CUL4B: variants seen among roughly 807,000 people sequenced by gnomAD.
CUL4B encodes the protein cullin-4B.
Under a neutral mutation model 69.2 loss-of-function variants are expected in CUL4B, and 1 was observed. The observed-to-expected ratio is 0.01, with a 90% CI of 0.01 to 0.07. The LOEUF (loss-of-function observed/expected upper bound fraction) is 0.07. CUL4B is among the 10% of genes least tolerant of loss of function. The pLI is 1.00. For synonymous variants in CUL4B, 237 were observed against 223.2 expected, an observed-to-expected ratio of 1.06 and a Z score of -0.55; for missense variants, 328 against 638.8, an observed-to-expected ratio of 0.51 and a Z score of 5.24.
chrX:120,565,044 T>C (rs933513303), upstream of CUL4B, among the ~76,000 whole-genome samples: 1 of 112,543 alleles, frequency 8.9e-6, no homozygotes, highest in Non-Finnish European at 1.9e-5. Flanking sequence ...AGCTAGCTTT[T>C]ACAATGTCAA....
In CUL4B at chrX:120,535,704, CAAAAAAAAAAAAAA is replaced by C. The variant is rs71820203; in HGVS notation, c.2160+112_2160+125del. On this transcript the variant is annotated intron_variant, in intron 16 of 19. Transcript: ENST00000371322. ...CTGGTGACAGAGTGAGACTCTGTCT[CAAAAAAAAAAAAAA>C]AAAAAAAAAAGAAGAAAACAAAAAA... The C allele has an allele frequency of 1.9e-4, 36 of 189,771 alleles. No homozygotes were observed. The East Asian group carries it at 2.3e-3, about 12-fold the overall frequency. 15.6% of individuals were successfully genotyped at this position (189,771 alleles called of 1,213,427 possible). A position where few individuals can be genotyped will look rare whatever the true frequency, so the allele number is the denominator to read the frequency against.
intron 2 of CUL4B, among the ~76,000 whole-genome samples, chrX:120,549,501 C>G (rs1924555293): frequency 9.0e-6 from 1 of 111,609 alleles, no homozygotes. Context: ...CGAGAATGTG[C>G]CATTGCATTC....
upstream of CUL4B, chrX:120,561,230 A>T: frequency 4.0e-6 from 2 of 501,037 alleles, no homozygotes; most frequent in Non-Finnish European, 7.0e-6. Flanking sequence ...AAAGTGCCCC[A>T]GACGCTCGCG....
At chrX:120,532,695 T>C in intron 17 of CUL4B, 101 bp from the exon 18 acceptor site, 1 of 786,009 alleles carries the variant, frequency 1.3e-6, no homozygotes, top group Admixed American at 2.3e-5. Flanking sequence ...TAAAACTATT[T>C]CATTTTTTCC....
chrX:120,533,858 G>A (rs1923479742), intron 17 of CUL4B, among the ~76,000 whole-genome samples: 1 of 111,081 alleles, frequency 9.0e-6, no homozygotes, highest in African/African-American at 3.3e-5. Flanking sequence ...ACGAGGTCAG[G>A]AGTTCGAGAC....
chrX:120,561,452 AG>A (rs1444353450), upstream of CUL4B: 15 of 378,676 alleles, frequency 4.0e-5, no homozygotes, highest in East Asian at 3.0e-4. Flanking sequence ...GGGGGGGGGA[AG>A]GGGGGAGGGA....
At chrX:120,562,925 G>A (rs913807205), upstream of CUL4B, among the ~76,000 whole-genome samples, 6 of 112,118 alleles carry the variant, frequency 5.4e-5, no homozygotes, top group Admixed American at 5.6e-4. Flanking sequence ...AACCAGGGGT[G>A]ACAGGATTGT....
Position 120,541,491 on chromosome X carries a change from C to T in CUL4B, c.1443+111G>A, listed in dbSNP as rs751036464. ...TCCAGCCTGGGTGACGAGAGCAAAA[C>T]TCTGTCTCAAAAAAAAAAAAATTGG... is the stretch of plus-strand genomic sequence containing the variant. On this transcript the variant is annotated intron_variant, in intron 10 of 19. Transcript: ENST00000371322. 2.2e-3 allele frequency: 1,271 copies of T among 577,633 alleles called. 4 individuals carry two copies. Among genetic ancestry groups the T allele is most frequent in the Non-Finnish European group, 3.1e-3 (1,009 of 329,570 alleles). The allele number at this position is 577,633 out of a possible 1,213,427, so 47.6% of individuals were successfully genotyped here.
chrX:120,548,533 T>C (rs1419760803), intron 2 of CUL4B, among the ~76,000 whole-genome samples: 1 of 111,714 alleles, frequency 9.0e-6, no homozygotes, highest in Non-Finnish European at 1.9e-5. Context: ...AATAGTTAAA[T>C]ATAGATTTTA....
At chrX:120,548,825 C>T (rs1350852298) in intron 2 of CUL4B, among the ~76,000 whole-genome samples, 3 of 111,333 alleles carry the variant, frequency 2.7e-5, no homozygotes, top group African/African-American at 9.8e-5. Flanking sequence ...CAGAGAGAGA[C>T]TCCATCTCAA....
At position 120,526,372 on chromosome X, in the gene CUL4B, A is replaced by C; in HGVS notation, c.*389T>G. 1 of 164,900 alleles carries C rather than the reference A, an allele frequency of 6.1e-6. No individual in the cohort carries two copies. Among genetic ancestry groups the C allele is most frequent in the Non-Finnish European group, 1.2e-5 (1 of 86,070 alleles). 13.6% of individuals were successfully genotyped at this position (164,900 alleles called of 1,213,427 possible). A position where few individuals can be genotyped will look rare whatever the true frequency, so the allele number is the denominator to read the frequency against. On this transcript the variant is annotated 3_prime_UTR_variant, in exon 20 of 20. Coordinates refer to ENST00000371322, the MANE Select transcript of CUL4B (RefSeq NM_001079872.2). The stretch of plus-strand genomic sequence containing the variant: ...AGTAAATAAAGTTTGCATGCAGTTT[A>C]AGTATCTTTAAATGACATTTTAAGC...
chrX:120,551,375 A>G (rs1213339376), intron 2 of CUL4B, among the ~76,000 whole-genome samples: 1 of 109,855 alleles, frequency 9.1e-6, no homozygotes, highest in Admixed American at 9.8e-5. Context: ...GTTTTTTTGC[A>G]TTTTTAGTAG....
rs368919276 is a variant in CUL4B at position 120,534,446 on chromosome X, G to A, written c.2266+35C>T. On this transcript the variant is annotated intron_variant, in intron 17 of 19. Coordinates refer to ENST00000371322, the MANE Select transcript of CUL4B (RefSeq NM_001079872.2). ...CCCCCAGACCTCTTAACATAGTGGT[G>A]TGCACATAGTGAACAATTAATGTTT... The A allele has an allele frequency of 6.2e-5, 55 of 892,181 alleles. No individual in the cohort carries two copies. In the Middle Eastern group the frequency reaches 8.0e-4, roughly 13 times the overall value. 73.5% of individuals were successfully genotyped at this position (892,181 alleles called of 1,213,427 possible). A position where few individuals can be genotyped will look rare whatever the true frequency, so the allele number is the denominator to read the frequency against.
Position 120,557,998 on chromosome X carries a change from G to C in CUL4B, c.598C>G (p.Gln200Glu). 1 of 1,207,334 alleles carries C rather than the reference G, an allele frequency of 8.3e-7. No homozygotes were observed. The highest frequency in any genetic ancestry group is 1.1e-6 in the Non-Finnish European group (1 of 892,468). ...LPENYTDETW[Q>E]KLKEAVEAIQ... is the part of the protein sequence containing the mutation. The stretch of plus-strand genomic sequence containing the variant: ...GCTTCCACTGCTTCTTTCAGTTTTT[G>C]CCAGGTTTCATCTGTGTAGTTTTCT... The change falls in exon 2 of 20, where the codon CAA becomes GAA. Residue 200 changes from glutamine to glutamate, a missense_variant. By Grantham distance (29) the Gln-to-Glu change is conservative. This residue lies in a region of CUL4B where 126 missense variants were observed against 202.5 expected (regional missense o/e 0.62). Transcript: ENST00000371322.
At chrX:120,544,788 T>C in intron 5 of CUL4B, 145 bp from the exon 6 acceptor site, 1 of 476,531 alleles carries the variant, frequency 2.1e-6, no homozygotes, top group East Asian at 3.7e-5. Flanking sequence ...ATCCACACAT[T>C]TAATTTTGAA....
chrX:120,553,181 G>A (rs1039370865), intron 2 of CUL4B, among the ~76,000 whole-genome samples: 3 of 111,784 alleles, frequency 2.7e-5, no homozygotes. Context: ...ACTGATTAAC[G>A]ATTCAGTAAA....
intron 9 of CUL4B, 74 bp downstream of exon 9, chrX:120,542,892 C>T (rs1375800078): frequency 9.3e-6 from 7 of 751,457 alleles, no homozygotes; most frequent in African/African-American, 4.2e-5. Context: ...AAAAGGGCAA[C>T]ATCTTTAAAA....
At chrX:120,558,811 T>A (rs915398638) in intron 1 of CUL4B, among the ~76,000 whole-genome samples, 3 of 111,817 alleles carry the variant, frequency 2.7e-5, no homozygotes, top group Non-Finnish European at 5.6e-5. Flanking sequence ...GCTTTTATTT[T>A]AGGAGGGAGA....
At chrX:120,528,038 T>C (rs1172142763) in intron 19 of CUL4B, among the ~76,000 whole-genome samples, 1 of 112,508 alleles carries the variant, frequency 8.9e-6, no homozygotes, top group Non-Finnish European at 1.9e-5. Context: ...AGATAGTTCA[T>C]GAAGCACACC....
Sources: gnomAD v4.1 joint callset for allele counts (sites outside exome capture counted in the v4.1 genomes callset) on GRCh38, gnomAD v4.1.1 for gene constraint, gnomAD v4.1.1 regional missense constraint, MANE v1.5 for transcripts, NCBI Gene and HGNC (gene_info 2026-07-23, HGNC 2026-07-21) for gene names.